The following IL1RAPL1 variants were observed in gnomAD, a reference collection of about 807,000 sequenced individuals.
IL1RAPL1 encodes interleukin-1 receptor accessory protein-like 1.
Under a neutral mutation model 48.4 loss-of-function variants are expected in IL1RAPL1, and 3 were observed. The ratio of observed to expected loss-of-function variants is 0.06; its 90% CI spans 0.03 to 0.16. The LOEUF (loss-of-function observed/expected upper bound fraction) is 0.16. Among genes scored for constraint, IL1RAPL1 ranks in the 10% least tolerant of loss-of-function variants. The probability of loss-of-function intolerance (pLI) is 1.00; values close to 1 mark genes in which losing one functional copy is unlikely to be tolerated. For missense variants in IL1RAPL1, 349 were observed against 530.6 expected (o/e 0.66, Z 3.36); for synonymous variants, 185 against 187.7 (o/e 0.99, Z 0.12).
chrX:29,169,980 C>T (rs949529464), intron 2 of IL1RAPL1, among the ~76,000 whole-genome samples: 1 of 110,797 alleles, frequency 9.0e-6, no homozygotes, highest in Admixed American at 9.7e-5. Flanking sequence ...ATCCACATTT[C>T]CCATGGAACC....
At chrX:28,955,090 G>T (rs1924568383) in intron 2 of IL1RAPL1, among the ~76,000 whole-genome samples, 1 of 111,657 alleles carries the variant, frequency 9.0e-6, no homozygotes, top group Non-Finnish European at 1.9e-5. Context: ...TTAGTTGTTA[G>T]ACTATTTTGA....
At chrX:29,530,573 A>G (rs1935602474) in intron 5 of IL1RAPL1, among the ~76,000 whole-genome samples, 1 of 111,973 alleles carries the variant, frequency 8.9e-6, no homozygotes, top group South Asian at 3.7e-4. Context: ...ATGCAAATTA[A>G]ATTCTAAGCA....
intron 5 of IL1RAPL1, among the ~76,000 whole-genome samples, chrX:29,540,625 C>T (rs763445995): frequency 1.6e-4 from 18 of 111,071 alleles, no homozygotes; most frequent in African/African-American, 5.9e-4. Flanking sequence ...GAAATAAAGC[C>T]GCATACCTAC....
intron 3 of IL1RAPL1, among the ~76,000 whole-genome samples, chrX:29,335,314 GGGGAGAGGGGAGAGGGGAGAGGGGAGA>G (rs1411775260): frequency 6.6e-4 from 4 of 6,091 alleles, no homozygotes; most frequent in African/African-American, 1.4e-3. Flanking sequence ...AGAGGGGAGA[GGGGAGAGGGGAGAGGGGAGAGGGGAGA>G]GGGAGAGCTA....
chrX:29,290,579 G>A (rs1932355022), intron 3 of IL1RAPL1, among the ~76,000 whole-genome samples: 2 of 111,733 alleles, frequency 1.8e-5, no homozygotes, highest in South Asian at 3.7e-4. Context: ...TACCTATTCT[G>A]GGGAGAAAAC....
At chrX:29,190,511 G>A (rs1048044373) in intron 2 of IL1RAPL1, among the ~76,000 whole-genome samples, 2 of 111,876 alleles carry the variant, frequency 1.8e-5, no homozygotes, top group Non-Finnish European at 3.8e-5. Context: ...AATACTAAAA[G>A]CACTTAGCAC....
intron 5 of IL1RAPL1, among the ~76,000 whole-genome samples, chrX:29,622,352 A>C (rs1455653153): frequency 8.9e-6 from 1 of 112,304 alleles, no homozygotes; most frequent in East Asian, 2.8e-4. Flanking sequence ...TTAAGTGATT[A>C]TTTTCTTGGT....
chrX:29,868,902 T>A (rs745868945), intron 6 of IL1RAPL1, among the ~76,000 whole-genome samples: 9 of 111,927 alleles, frequency 8.0e-5, no homozygotes, highest in Non-Finnish European at 1.5e-4. Context: ...ACCCCACATC[T>A]GAGAGTGTAC....
chrX:29,566,037 C>T lies in IL1RAPL1; in HGVS notation c.704-102393C>T, dbSNP rs183172438. On this transcript the variant is annotated intron_variant, in intron 5 of 10. Coordinates refer to ENST00000378993, the MANE Select transcript of IL1RAPL1 (RefSeq NM_014271.4). ...GATTTCGGCTCACTGCAAGCTCTGC[C>T]TCCCGGGTTCACGCCATTCTCCTGC... Among the ~76,000 whole-genome samples, 305 of 110,284 alleles carry T rather than the reference C, an allele frequency of 2.8e-3. 1 individual carries two copies. Among genetic ancestry groups the T allele is most frequent in the Middle Eastern group, 9.3e-3 (2 of 215 alleles).
intron 2 of IL1RAPL1, among the ~76,000 whole-genome samples, chrX:28,839,673 G>C (rs1295998414): frequency 9.0e-6 from 1 of 110,591 alleles, no homozygotes; most frequent in East Asian, 2.8e-4. Flanking sequence ...ATGAAAAATA[G>C]ATAGCAACTA....
At chrX:29,352,682 T>C (rs1464375977) in intron 3 of IL1RAPL1, among the ~76,000 whole-genome samples, 1 of 102,500 alleles carries the variant, frequency 9.8e-6, no homozygotes, top group Admixed American at 1.1e-4. Context: ...ATGTCCAGGA[T>C]CAGTGTCCTC....
At chrX:29,045,950 C>CTCCTCCT (rs1555956648) in intron 2 of IL1RAPL1, among the ~76,000 whole-genome samples, 1 of 72,237 alleles carries the variant, frequency 1.4e-5, no homozygotes, top group African/African-American at 6.0e-5. Context: ...CTTCCTCCTC[C>CTCCTCCT]TCCTCCTCCT....
At chrX:28,830,992 TTCTC>T (rs1160527555) in intron 2 of IL1RAPL1, among the ~76,000 whole-genome samples, 35 of 16,068 alleles carry the variant, frequency 2.2e-3, no homozygotes, top group East Asian at 9.4e-3. Context: ...TGCCCAGGGT[TTCTC>T]TCTCTCTCTC....
chrX:29,123,920 A>G (rs1928848742), intron 2 of IL1RAPL1, among the ~76,000 whole-genome samples: 1 of 106,276 alleles, frequency 9.4e-6, no homozygotes, highest in Non-Finnish European at 1.9e-5. Context: ...TGTGTTAAAT[A>G]TGCATATTAT....
At chrX:29,374,545 C>T (rs1178302549) in intron 3 of IL1RAPL1, among the ~76,000 whole-genome samples, 1 of 109,427 alleles carries the variant, frequency 9.1e-6, no homozygotes, top group African/African-American at 3.3e-5. Flanking sequence ...CCTGGCAGGA[C>T]CTCGTTCACA....
At chrX:29,831,737 CT>C (rs1387136360) in intron 6 of IL1RAPL1, among the ~76,000 whole-genome samples, 1 of 111,304 alleles carries the variant, frequency 9.0e-6, no homozygotes, top group Non-Finnish European at 1.9e-5. Context: ...AGAGCCTTGT[CT>C]AAGGAGGAGA....
chrX:29,801,080 A>AAAAAAAAT (rs1929891087), intron 6 of IL1RAPL1, among the ~76,000 whole-genome samples: 1 of 87,096 alleles, frequency 1.1e-5, no homozygotes, highest in Non-Finnish European at 2.1e-5. Flanking sequence ...AAAAAAAAAA[A>AAAAAAAAT]CTCATCTTTT....
intron 2 of IL1RAPL1, among the ~76,000 whole-genome samples, chrX:28,908,500 ACTGT>A (rs1227694305): frequency 9.0e-6 from 1 of 111,719 alleles, no homozygotes; most frequent in Non-Finnish European, 1.9e-5. Flanking sequence ...AGATTTTCAA[ACTGT>A]CTTTCTGTTA....
At chrX:29,601,202 T>G (rs2147062094) in intron 5 of IL1RAPL1, among the ~76,000 whole-genome samples, 1 of 112,405 alleles carries the variant, frequency 8.9e-6, no homozygotes, top group Admixed American at 9.4e-5. Flanking sequence ...TTATGAGGAA[T>G]ATAAATTCAT....
Sources: allele counts gnomAD v4.1 joint callset (sites outside exome capture counted in the v4.1 genomes callset), GRCh38; gene constraint gnomAD v4.1.1; transcripts MANE v1.5; gene names NCBI Gene and HGNC (gene_info 2026-07-23, HGNC 2026-07-21).